Variants in TASL observed in about 807,000 individuals in gnomAD.
The protein encoded by TASL is TLR adapter interacting with SLC15A4 on the lysosome.
TASL carries 6 observed loss-of-function variants against 12.9 expected under a neutral mutation model. The observed-to-expected ratio is 0.46, with a 90% confidence interval of 0.25 to 0.92. The LOEUF (loss-of-function observed/expected upper bound fraction) is 0.92, where lower values mean the gene tolerates loss of function less well. Among genes scored for constraint, TASL ranks in the 40% least tolerant of loss-of-function variants. The probability of loss-of-function intolerance (pLI) is 0.17; values close to 1 mark genes in which losing one functional copy is unlikely to be tolerated. For missense variants in TASL, 165 were observed against 212.8 expected (o/e 0.78, Z 1.40); for synonymous variants, 85 against 79.3 (o/e 1.07, Z -0.38).
chrX:30,573,470 C>A (rs1433469858), intron 2 of TASL, among the ~76,000 whole-genome samples: 1 of 112,533 alleles, frequency 8.9e-6, no homozygotes. Context: ...ACATATGTCC[C>A]AATTATGTAT....
Position 30,560,795 on chromosome X carries a change from T to C in TASL, c.-1-439A>G, listed in dbSNP as rs372499087. Among the ~76,000 whole-genome samples, 7 of 109,814 alleles carry C rather than the reference T, an allele frequency of 6.4e-5. No individual in the cohort carries two copies. In the East Asian group the frequency reaches 2.0e-3, roughly 32 times the overall value. ...CCATAGGAACAGGCTTATAAGATAA[T>C]ATGGTGGCATGACCTACTCACCACA... On this transcript the variant is annotated intron_variant, in intron 2 of 2. Coordinates refer to ENST00000378962, the MANE Select transcript of TASL (RefSeq NM_025159.3).
intron 2 of TASL, among the ~76,000 whole-genome samples, chrX:30,570,079 T>C (rs1930569197): frequency 9.0e-6 from 1 of 110,747 alleles, no homozygotes; most frequent in South Asian, 3.8e-4. Flanking sequence ...TCAGGCAATA[T>C]ACATATGTGG....
chrX:30,559,743 T>C lies in TASL; in HGVS notation c.613A>G (p.Ile205Val), dbSNP rs745999065. 8 of 1,211,341 alleles carry C rather than the reference T, an allele frequency of 6.6e-6. No homozygotes were observed. Among genetic ancestry groups the C allele is most frequent in the South Asian group, 1.8e-5 (1 of 56,977 alleles). The change falls in exon 3 of 3, where the codon ATT becomes GTT. Residue 205 changes from isoleucine (I) to valine (V), a missense_variant. Physicochemically the swap from Ile to Val is conservative, Grantham distance 29. Transcript: ENST00000378962. The stretch of plus-strand genomic sequence containing the variant: ...TACTCATTCAGAACTGCATTAGAAA[T>C]AGGATTCTGCATTTGCAAGCTGCTT... ...EKSSLQMQNP[I>V]SNAVLNEYLE... is the part of the protein sequence containing the mutation.
intron 2 of TASL, among the ~76,000 whole-genome samples, chrX:30,566,103 G>A (rs923879006): frequency 6.3e-5 from 7 of 111,071 alleles, no homozygotes; most frequent in Admixed American, 3.8e-4. Context: ...TTGGTTGATC[G>A]CCATTATAGC....
At chrX:30,567,605 C>T (rs181575087) in intron 2 of TASL, among the ~76,000 whole-genome samples, 1,818 of 111,306 alleles carry the variant, frequency 0.016, 19 homozygotes, top group Non-Finnish European at 0.026. Context: ...CCAGACTAGG[C>T]GGCCACTCTG....
At chrX:30,577,611 T>C (rs1471199512) in intron 1 of TASL, 27 bp downstream of exon 1, 1 of 111,821 alleles carries the variant, frequency 8.9e-6, no homozygotes, top group Non-Finnish European at 1.9e-5. Context: ...AGCGGAGTTC[T>C]AGGGTCCTTT....
At chrX:30,560,898 G>C (rs1930411297) in intron 2 of TASL, among the ~76,000 whole-genome samples, 1 of 111,017 alleles carries the variant, frequency 9.0e-6, no homozygotes, top group Non-Finnish European at 1.9e-5. Context: ...TGGCAGTCAG[G>C]CAAAAGCATT....
At chrX:30,566,940 T>C (rs1264105003) in intron 2 of TASL, among the ~76,000 whole-genome samples, 1 of 112,036 alleles carries the variant, frequency 8.9e-6, no homozygotes, top group African/African-American at 3.2e-5. Context: ...AGCTGCCATA[T>C]AGACATCACA....
chrX:30,562,637 C>A (rs907620291), intron 2 of TASL, among the ~76,000 whole-genome samples: 1 of 110,954 alleles, frequency 9.0e-6, no homozygotes, highest in Admixed American at 9.6e-5. Flanking sequence ...CCTCAGCTGA[C>A]CCTAAGGTTT....
intron 2 of TASL, among the ~76,000 whole-genome samples, chrX:30,561,943 A>G (rs1666533284): frequency 9.0e-6 from 1 of 110,905 alleles, no homozygotes; most frequent in African/African-American, 3.3e-5. Context: ...GAAAAGGCCA[A>G]TCTTACCTAC....
At chrX:30,560,453 T>G in intron 2 of TASL, 97 bp from the exon 3 acceptor site, 2 of 574,652 alleles carry the variant, frequency 3.5e-6, no homozygotes, top group Non-Finnish European at 5.5e-6. Flanking sequence ...AATGAATAAA[T>G]TCACTTTATT....
At chrX:30,561,930 G>A (rs186620056) in intron 2 of TASL, among the ~76,000 whole-genome samples, 19 of 109,210 alleles carry the variant, frequency 1.7e-4, no homozygotes, top group Non-Finnish European at 3.6e-4. Context: ...CTAATATGCA[G>A]GTGAAAAGGC....
At chrX:30,576,564 A>AG (rs907797697) in intron 2 of TASL, among the ~76,000 whole-genome samples, 188 bp downstream of exon 2, 2 of 110,358 alleles carry the variant, frequency 1.8e-5, no homozygotes, top group African/African-American at 6.7e-5. Context: ...AAAAATTGGG[A>AG]GGGGGAAAAA....
intron 2 of TASL, among the ~76,000 whole-genome samples, chrX:30,569,835 A>AC (rs1930565011): frequency 9.0e-6 from 1 of 110,606 alleles, no homozygotes; most frequent in Non-Finnish European, 1.9e-5. Context: ...ACATGGTGAA[A>AC]CCCCGTCTCT....
At chrX:30,569,935 C>T (rs1930567186) in intron 2 of TASL, among the ~76,000 whole-genome samples, 1 of 109,403 alleles carries the variant, frequency 9.1e-6, no homozygotes, top group African/African-American at 3.3e-5. Context: ...CACTTGAACC[C>T]AGGAGGTGGA....
At chrX:30,577,480 A>AAACTCCCACTTGTCTC (rs1352237592) in intron 1 of TASL, among the ~76,000 whole-genome samples, 158 bp downstream of exon 1, 162 of 112,232 alleles carry the variant, frequency 1.4e-3, no homozygotes, top group African/African-American at 4.9e-3. Flanking sequence ...ATGCTTGTTT[A>AAACTCCCACTTGTCTC]AACTCCCACT....
intron 2 of TASL, among the ~76,000 whole-genome samples, chrX:30,561,312 C>G (rs1930419580): frequency 9.0e-6 from 1 of 111,448 alleles, no homozygotes; most frequent in African/African-American, 3.3e-5. Flanking sequence ...TACCAAGGAG[C>G]TTTTCTGACC....
chrX:30,571,509 A>G (rs1447863505), intron 2 of TASL, among the ~76,000 whole-genome samples: 1 of 108,605 alleles, frequency 9.2e-6, no homozygotes, highest in African/African-American at 3.4e-5. Flanking sequence ...AATCCCAGCT[A>G]CTCAGGAGGC....
intron 2 of TASL, among the ~76,000 whole-genome samples, chrX:30,563,318 C>G (rs1324411483): frequency 8.9e-6 from 1 of 111,940 alleles, no homozygotes; most frequent in Non-Finnish European, 1.9e-5. Flanking sequence ...TGAGGCTCCC[C>G]AGCCCTGCAG....
Sources: gnomAD v4.1 joint callset for allele counts (sites outside exome capture counted in the v4.1 genomes callset) on GRCh38, gnomAD v4.1.1 for gene constraint, MANE v1.5 for transcripts, NCBI Gene and HGNC (gene_info 2026-07-23, HGNC 2026-07-21) for gene names.